Variants in CTTNBP2 observed in about 807,000 individuals in gnomAD.
CTTNBP2 encodes cortactin binding protein 2.
In CTTNBP2, 108 loss-of-function variants were observed where a neutral mutation model predicts 156.9. The ratio of observed to expected loss-of-function variants is 0.69; its 90% CI spans 0.59 to 0.81. The LOEUF (loss-of-function observed/expected upper bound fraction) is 0.81. Ranked by LOEUF, CTTNBP2 falls within the 30% of genes least tolerant of loss-of-function variation. The probability of loss-of-function intolerance (pLI) is 0.00; values close to 1 mark genes in which losing one functional copy is unlikely to be tolerated. For missense variants in CTTNBP2, 1,924 were observed against 2,035.4 expected (o/e 0.95, Z 1.05); for synonymous variants, 767 against 751.8 (o/e 1.02, Z -0.33).
intron 9 of CTTNBP2, among the ~76,000 whole-genome samples, chr7:117,762,023 A>ATAC (rs760484024): frequency 3.3e-5 from 5 of 152,166 alleles, no homozygotes; most frequent in Non-Finnish European, 5.9e-5. Flanking sequence ...GCTCCTTGAT[A>ATAC]TACTCCTCCT....
intron 4 of CTTNBP2, 41 bp from the exon 5 acceptor site, chr7:117,784,495 G>T: frequency 2.8e-6 from 4 of 1,417,912 alleles, no homozygotes; most frequent in Non-Finnish European, 3.8e-6. Flanking sequence ...TAGGAGCAAG[G>T]ACAAGAGACA....
At chr7:117,821,791 T>G (rs1353394916) in intron 2 of CTTNBP2, among the ~76,000 whole-genome samples, 2 of 152,084 alleles carry the variant, frequency 1.3e-5, no homozygotes, top group South Asian at 2.1e-4. Flanking sequence ...GGGGTTTCAC[T>G]GTGTTAGCCA....
intron 2 of CTTNBP2, among the ~76,000 whole-genome samples, chr7:117,831,853 T>C (rs181608722): frequency 6.6e-6 from 1 of 152,278 alleles, no homozygotes; most frequent in Non-Finnish European, 1.5e-5. Context: ...CTCAACCTTA[T>C]TCTCTTTCTT....
chr7:117,833,773 A>G (rs896324531), intron 2 of CTTNBP2, among the ~76,000 whole-genome samples: 1 of 152,194 alleles, frequency 6.6e-6, no homozygotes, highest in African/African-American at 2.4e-5. Context: ...TGAGCACTTT[A>G]CCTAGTACAC....
At chr7:117,808,293 A>T (rs1800067553) in intron 3 of CTTNBP2, among the ~76,000 whole-genome samples, 2 of 152,190 alleles carry the variant, frequency 1.3e-5, no homozygotes, top group African/African-American at 4.8e-5. Context: ...AGATTAAAAA[A>T]AAAAAACCTC....
At chr7:117,844,980 T>C (rs563369090) in intron 2 of CTTNBP2, among the ~76,000 whole-genome samples, 1 of 152,212 alleles carries the variant, frequency 6.6e-6, no homozygotes, top group East Asian at 1.9e-4. Context: ...GTAAAAGCAT[T>C]GAGAAATGCC....
chr7:117,757,278 G>A (rs946694017), intron 11 of CTTNBP2, among the ~76,000 whole-genome samples: 9 of 152,268 alleles, frequency 5.9e-5, no homozygotes, highest in African/African-American at 2.2e-4. Flanking sequence ...ATCAAGGGCT[G>A]AGAAATTGAG....
At chr7:117,755,672 T>C in intron 12 of CTTNBP2, 2 of 417,074 alleles carry the variant, frequency 4.8e-6, no homozygotes, top group Non-Finnish European at 9.4e-6. Flanking sequence ...GTAGTAAGTA[T>C]TTAATGAATG....
intron 8 of CTTNBP2, among the ~76,000 whole-genome samples, chr7:117,770,442 G>C (rs34317869): frequency 0.03 from 4,544 of 152,292 alleles, 231 homozygotes; most frequent in African/African-American, 0.1. Context: ...GGAACTCAAT[G>C]AAAGTGAAAA....
At chr7:117,844,031 G>A (rs1482175842) in intron 2 of CTTNBP2, among the ~76,000 whole-genome samples, 1 of 139,892 alleles carries the variant, frequency 7.1e-6, no homozygotes, top group Non-Finnish European at 1.5e-5. Context: ...AAAGAGGCAT[G>A]ACAACAGAAG....
intron 2 of CTTNBP2, among the ~76,000 whole-genome samples, chr7:117,811,891 A>T (rs1425174067): frequency 8.7e-5 from 11 of 126,654 alleles, no homozygotes; most frequent in African/African-American, 3.1e-4. Flanking sequence ...ATTTTAATGT[A>T]AAAATTTTAA....
chr7:117,835,774 C>T (rs910418649), intron 2 of CTTNBP2, among the ~76,000 whole-genome samples: 2 of 152,176 alleles, frequency 1.3e-5, no homozygotes, highest in African/African-American at 4.8e-5. Flanking sequence ...TGCAGAGCCA[C>T]ATAATTCAGT....
intron 4 of CTTNBP2, chr7:117,786,485 G>A: frequency 2.5e-6 from 1 of 404,132 alleles, no homozygotes; most frequent in East Asian, 7.7e-5. Context: ...GTACTTATTA[G>A]AAATGCATAA....
intron 2 of CTTNBP2, among the ~76,000 whole-genome samples, chr7:117,858,013 G>A (rs183544055): frequency 6.6e-6 from 1 of 152,266 alleles, no homozygotes; most frequent in Admixed American, 6.5e-5. Context: ...ATTACCTACT[G>A]TAAAAAACAC....
At chr7:117,742,231 C>T (rs10279532) in intron 14 of CTTNBP2, among the ~76,000 whole-genome samples, 3,297 of 152,326 alleles carry the variant, frequency 0.022, 114 homozygotes, top group African/African-American at 0.074. Context: ...TGCATCACAC[C>T]GGCCATGTGG....
intron 21 of CTTNBP2, among the ~76,000 whole-genome samples, 176 bp from the exon 22 acceptor site, chr7:117,718,295 C>T (rs781155298): frequency 2.0e-5 from 3 of 151,992 alleles, no homozygotes; most frequent in Non-Finnish European, 4.4e-5. Context: ...GTAAAACTGA[C>T]AGCAAATGCA....
At chr7:117,813,075 C>A (rs1782318063) in intron 2 of CTTNBP2, among the ~76,000 whole-genome samples, 1 of 152,112 alleles carries the variant, frequency 6.6e-6, no homozygotes, top group African/African-American at 2.4e-5. Context: ...GTAGATGATA[C>A]AGGAGAGGTG....
intron 2 of CTTNBP2, among the ~76,000 whole-genome samples, chr7:117,818,231 T>C (rs1260335384): frequency 6.6e-6 from 1 of 152,074 alleles, no homozygotes; most frequent in East Asian, 1.9e-4. Flanking sequence ...AATCCAACAA[T>C]AAAAATGGTT....
chr7:117,764,074 C>T (rs889898031), intron 9 of CTTNBP2, among the ~76,000 whole-genome samples: 1 of 152,118 alleles, frequency 6.6e-6, no homozygotes, highest in African/African-American at 2.4e-5. Context: ...CCCTGTGACT[C>T]CCTGGCTTGT....
Sources: gnomAD v4.1 joint callset for allele counts (sites outside exome capture counted in the v4.1 genomes callset) on GRCh38, gnomAD v4.1.1 for gene constraint, MANE v1.5 for transcripts, NCBI Gene and HGNC (gene_info 2026-07-23, HGNC 2026-07-21) for gene names.